The following DCDC2 variants were observed in gnomAD, a reference collection of about 807,000 sequenced individuals.
DCDC2 encodes the protein doublecortin domain-containing protein 2.
A neutral mutation model predicts 50.2 loss-of-function variants in DCDC2; 40 were observed. That is an observed-to-expected ratio of 0.80 (90% CI 0.62 to 1.04). The LOEUF (loss-of-function observed/expected upper bound fraction) is 1.04. DCDC2 is among the 50% of genes least tolerant of loss of function. The pLI, the probability that DCDC2 is intolerant of heterozygous loss-of-function variation, is 0.00. For missense variants in DCDC2, 570 were observed against 581.9 expected, an observed-to-expected ratio of 0.98 and a Z score of 0.21; for synonymous variants, 234 against 210.6, an observed-to-expected ratio of 1.11 and a Z score of -0.96.
At chr6:24,262,495 G>A (rs1298171370) in intron 7 of DCDC2, among the ~76,000 whole-genome samples, 1 of 152,176 alleles carries the variant, frequency 6.6e-6, no homozygotes, top group East Asian at 1.9e-4. Context: ...AGTGGACTTG[G>A]GGTGCACACA....
chr6:24,333,381 G>A (rs1760001829), intron 2 of DCDC2, among the ~76,000 whole-genome samples: 1 of 152,134 alleles, frequency 6.6e-6, no homozygotes, highest in South Asian at 2.1e-4. Context: ...AACACACATA[G>A]TATCTTTCAG....
chr6:24,239,826 G>C (rs982652108), intron 7 of DCDC2, among the ~76,000 whole-genome samples: 1 of 152,072 alleles, frequency 6.6e-6, no homozygotes, highest in Admixed American at 6.5e-5. Flanking sequence ...TCCCTCATTC[G>C]AGTTTTTGAC....
At chr6:24,374,183 G>A in the DCDC2 span, among the ~76,000 whole-genome samples, 1 of 150,372 alleles carries the variant, frequency 6.7e-6, no homozygotes, top group African/African-American at 2.5e-5. Flanking sequence ...AAAAAAGGAA[G>A]GAGAGGAAGA....
At position 24,291,547 on chromosome 6, in the gene DCDC2, A is replaced by G. The variant is rs966594377; in HGVS notation, c.558-469T>C. On this transcript the variant is annotated intron_variant, in intron 4 of 9. Coordinates refer to ENST00000378454, the MANE Select transcript of DCDC2 (RefSeq NM_016356.5). ...GTCGCCCAGGCTGGAGTGCAGTGGC[A>G]GGATCTCGGCTCACTGCAAGCTCCG... is the stretch of plus-strand genomic sequence containing the variant. Among the ~76,000 whole-genome samples the G allele has an allele frequency of 1.5e-4, 19 of 125,762 alleles. No individual in the cohort carries two copies. In the East Asian group the frequency reaches 2.7e-3, roughly 18 times the overall value. The allele number at this position is 125,762 out of a possible 152,430, so 82.5% of individuals were successfully genotyped here.
At position 24,339,335 on chromosome 6, in the gene DCDC2, G is replaced by A. The variant is rs574369902; in HGVS notation, c.348+14234C>T. ...ACACAGCACACTTCGGATAGCTTGC[G>A]TACGGCCCCATCTTCTCCACTACAC... On this transcript the variant is annotated intron_variant, in intron 2 of 9. Coordinates refer to ENST00000378454, the MANE Select transcript of DCDC2 (RefSeq NM_016356.5). Among the ~76,000 whole-genome samples the A allele has an allele frequency of 2.1e-4, 32 of 152,202 alleles. 1 individual carries two copies. The highest frequency in any genetic ancestry group is 7.0e-4 in the African/African-American group (29 of 41,546).
intron 7 of DCDC2, among the ~76,000 whole-genome samples, chr6:24,220,165 T>C (rs1340697): frequency 0.65 from 98,109 of 152,056 alleles, 32,806 homozygotes; most frequent in Non-Finnish European, 0.73. Context: ...ATAAAAACAG[T>C]TGAGTTAGCT....
chr6:24,342,194 A>G (rs1005589747), intron 2 of DCDC2, among the ~76,000 whole-genome samples: 5 of 152,182 alleles, frequency 3.3e-5, no homozygotes, highest in East Asian at 3.8e-4. Context: ...GGTGGTTGCT[A>G]TGTCCGTCCA....
At chr6:24,189,100 T>C (rs1457903217) in intron 8 of DCDC2, among the ~76,000 whole-genome samples, 5 of 152,146 alleles carry the variant, frequency 3.3e-5, no homozygotes, top group African/African-American at 9.7e-5. Flanking sequence ...ACACCAGCGT[T>C]GGCATTTTGA....
intron 2 of DCDC2, among the ~76,000 whole-genome samples, chr6:24,306,688 T>G (rs1759482692): frequency 6.6e-6 from 1 of 152,194 alleles, no homozygotes; most frequent in Admixed American, 6.5e-5. Context: ...TGGATACAAA[T>G]CACATGCTGT....
chr6:24,379,954 A>G, the DCDC2 span, among the ~76,000 whole-genome samples: 2 of 142,094 alleles, frequency 1.4e-5, no homozygotes, highest in African/African-American at 5.2e-5. Flanking sequence ...AAAACCAAAC[A>G]CCGCATGTTC....
chr6:24,181,869 A>C (rs977801352), intron 8 of DCDC2, among the ~76,000 whole-genome samples: 2 of 152,224 alleles, frequency 1.3e-5, no homozygotes, highest in Non-Finnish European at 2.9e-5. Flanking sequence ...AACAACTTTG[A>C]AAAAGGACAA....
intron 6 of DCDC2, among the ~76,000 whole-genome samples, chr6:24,288,369 T>C (rs923935967): frequency 6.6e-6 from 1 of 152,252 alleles, no homozygotes; most frequent in Non-Finnish European, 1.5e-5. Context: ...ATTTAATAAA[T>C]GTTTGCTGAA....
intron 7 of DCDC2, among the ~76,000 whole-genome samples, chr6:24,220,862 CAGAG>C (rs1277602944): frequency 1.9e-4 from 1 of 5,290 alleles, no homozygotes; most frequent in African/African-American, 7.0e-4. Context: ...AGGAGAGAGA[CAGAG>C]AGCAAGAGAG....
chr6:24,194,409 T>G (rs1237161782), intron 8 of DCDC2, among the ~76,000 whole-genome samples: 5 of 152,194 alleles, frequency 3.3e-5, no homozygotes, highest in Non-Finnish European at 4.4e-5. Flanking sequence ...TCTCATTATT[T>G]TATTAGTCAA....
At chr6:24,247,203 T>C (rs1274148369) in intron 7 of DCDC2, among the ~76,000 whole-genome samples, 1 of 152,146 alleles carries the variant, frequency 6.6e-6, no homozygotes, top group African/African-American at 2.4e-5. Flanking sequence ...AGTTTGAGGC[T>C]GCAGTGTAGC....
intron 7 of DCDC2, among the ~76,000 whole-genome samples, chr6:24,265,888 T>C (rs542938385): frequency 1.4e-5 from 2 of 144,128 alleles, no homozygotes; most frequent in Admixed American, 6.8e-5. Context: ...TTAAAAGAAA[T>C]AACAACAGAG....
At chr6:24,248,654 C>T (rs1762736279) in intron 7 of DCDC2, among the ~76,000 whole-genome samples, 1 of 152,080 alleles carries the variant, frequency 6.6e-6, no homozygotes, top group African/African-American at 2.4e-5. Context: ...TTGTAATTCC[C>T]TCGAGGGCAG....
intron 7 of DCDC2, among the ~76,000 whole-genome samples, chr6:24,210,657 T>C (rs1314273078): frequency 2.0e-5 from 3 of 152,164 alleles, no homozygotes; most frequent in South Asian, 4.1e-4. Flanking sequence ...CAAACTAGTG[T>C]CCCTCTTCTT....
rs746503285 is a variant in DCDC2 at position 24,278,105 on chromosome 6, G to A, written c.866C>T (p.Thr289Met). 1.7e-5 allele frequency: 27 copies of A among 1,613,366 alleles called. No individual in the cohort carries two copies. Among genetic ancestry groups the A allele is most frequent in the South Asian group, 1.4e-4 (13 of 91,016 alleles). The change falls in exon 7 of 10, where the codon ACG (threonine) becomes ATG (methionine). Residue 289 changes from threonine (T) to methionine (M), a missense_variant. Physicochemically the swap from Thr to Met is moderately conservative, Grantham distance 81. Coordinates refer to ENST00000378454, the MANE Select transcript of DCDC2 (RefSeq NM_016356.5). Reference protein sequence around the residue: ...KKEDVNSEKLTKLKQNVKLKN... With the variant: ...KKEDVNSEKLMKLKQNVKLKN... Reference sequence around the variant, plus strand: ...TAATTTTACATTTTGTTTCAATTTCGTCAGTTTTTCTGAATTCACGTCTTC... The same window carrying A: ...TAATTTTACATTTTGTTTCAATTTCATCAGTTTTTCTGAATTCACGTCTTC...
Sources: allele counts gnomAD v4.1 joint callset (sites outside exome capture counted in the v4.1 genomes callset), GRCh38; gene constraint gnomAD v4.1.1; transcripts MANE v1.5; gene names NCBI Gene and HGNC (gene_info 2026-07-23, HGNC 2026-07-21).